The following MYO5B variants were observed in gnomAD, a reference collection of about 807,000 sequenced individuals.
MYO5B encodes the protein myosin VB, also known as unconventional myosin-Vb.
In MYO5B, 143 loss-of-function variants were observed where a neutral mutation model predicts 229.3. The observed-to-expected ratio is 0.62, with a 90% CI of 0.54 to 0.72. The LOEUF (loss-of-function observed/expected upper bound fraction) is 0.72, where lower values mean the gene tolerates loss of function less well. MYO5B is among the 30% of genes least tolerant of loss of function. The probability of loss-of-function intolerance (pLI) is 0.00; values close to 1 mark genes in which losing one functional copy is unlikely to be tolerated. For missense variants in MYO5B, 2,321 were observed against 2,331.0 expected (o/e 1.00, Z 0.09); for synonymous variants, 918 against 885.2 (o/e 1.04, Z -0.66).
chr18:49,983,183 A>G (rs1598930840), intron 8 of MYO5B, among the ~76,000 whole-genome samples: 3 of 152,292 alleles, frequency 2.0e-5, no homozygotes. Flanking sequence ...TGGGCCCTGT[A>G]AACATTTCTC....
intron 1 of MYO5B, among the ~76,000 whole-genome samples, chr18:50,185,592 C>T (rs1229960221): frequency 1.3e-5 from 2 of 152,024 alleles, no homozygotes; most frequent in African/African-American, 4.8e-5. Flanking sequence ...ACCTAATTGC[C>T]CGATTTAATC....
intron 7 of MYO5B, among the ~76,000 whole-genome samples, chr18:49,985,974 C>A (rs1000687962): frequency 6.6e-6 from 1 of 152,196 alleles, no homozygotes; most frequent in Admixed American, 6.5e-5. Context: ...TCCAATCTCT[C>A]TGCTTCTGCA....
chr18:50,001,539 G>A (rs542467222), intron 4 of MYO5B, 128 bp from the exon 5 acceptor site: 2 of 1,170,700 alleles, frequency 1.7e-6, no homozygotes, highest in African/African-American at 1.5e-5. Context: ...TAAACGCAGA[G>A]GAACAGTGTA....
intron 1 of MYO5B, among the ~76,000 whole-genome samples, chr18:50,127,641 G>A (rs34934575): frequency 0.13 from 19,406 of 152,212 alleles, 1,412 homozygotes; most frequent in East Asian, 0.25. Flanking sequence ...AAAACCTCAC[G>A]GAAGAGGTGG....
chr18:50,092,818 T>A (rs541058189), intron 1 of MYO5B, among the ~76,000 whole-genome samples: 1 of 152,216 alleles, frequency 6.6e-6, no homozygotes, highest in Non-Finnish European at 1.5e-5. Context: ...TATTGAATCA[T>A]TGAATAAATG....
intron 16 of MYO5B, among the ~76,000 whole-genome samples, chr18:49,932,617 C>T (rs1383736625): frequency 6.6e-6 from 1 of 152,184 alleles, no homozygotes; most frequent in Non-Finnish European, 1.5e-5. Flanking sequence ...GAGAGCTCAA[C>T]ATATCTGCCC....
intron 4 of MYO5B, among the ~76,000 whole-genome samples, chr18:50,032,778 G>C (rs868568592): frequency 6.6e-6 from 1 of 152,160 alleles, no homozygotes; most frequent in Non-Finnish European, 1.5e-5. Context: ...CTGAGGTCAG[G>C]AGTTCGAGAC....
intron 13 of MYO5B, among the ~76,000 whole-genome samples, chr18:49,953,892 ATATGTGTG>A (rs1241680941): frequency 3.1e-4 from 40 of 127,654 alleles, no homozygotes; most frequent in South Asian, 1.0e-3. Context: ...ATATATACAT[ATATGTGTG>A]TGTGTGTGTG....
intron 1 of MYO5B, among the ~76,000 whole-genome samples, chr18:50,151,235 C>T (rs2032593456): frequency 6.6e-6 from 1 of 152,184 alleles, no homozygotes; most frequent in African/African-American, 2.4e-5. Flanking sequence ...CTTTGTAGTT[C>T]AGAGTTAGCA....
chr18:50,103,452 T>C (rs1470919964), intron 1 of MYO5B, among the ~76,000 whole-genome samples: 2 of 152,194 alleles, frequency 1.3e-5, no homozygotes, highest in African/African-American at 2.4e-5. Context: ...TTTTCCTTTA[T>C]AAAGATTCTG....
intron 33 of MYO5B, 62 bp downstream of exon 33, chr18:49,847,084 G>A (rs1598828674): frequency 2.5e-6 from 4 of 1,604,738 alleles, no homozygotes; most frequent in Non-Finnish European, 3.4e-6. Context: ...TGCTGGGGAT[G>A]GAGATGGGAG....
chr18:49,992,532 C>T (rs1441687355), intron 5 of MYO5B, 101 bp from the exon 6 acceptor site: 4 of 1,520,902 alleles, frequency 2.6e-6, no homozygotes, highest in Non-Finnish European at 3.6e-6. Flanking sequence ...CTCTTCCTTA[C>T]TTACAGAAAC....
At chr18:50,020,990 C>A (rs1414901464) in intron 4 of MYO5B, among the ~76,000 whole-genome samples, 4 of 152,178 alleles carry the variant, frequency 2.6e-5, no homozygotes, top group African/African-American at 9.7e-5. Context: ...GTATGTCTAC[C>A]CAGCAGCTGC....
chr18:49,841,969 C>G (rs900234933), intron 34 of MYO5B, among the ~76,000 whole-genome samples: 4 of 152,146 alleles, frequency 2.6e-5, no homozygotes, highest in Non-Finnish European at 5.9e-5. Flanking sequence ...GTGAAAAAGC[C>G]TGCTCAGCAA....
intron 1 of MYO5B, among the ~76,000 whole-genome samples, chr18:50,148,917 T>C (rs913739591): frequency 1.3e-5 from 2 of 152,192 alleles, no homozygotes; most frequent in East Asian, 1.9e-4. Flanking sequence ...GATGAAATGA[T>C]TGTATATCTA....
intron 7 of MYO5B, among the ~76,000 whole-genome samples, chr18:49,987,795 A>G (rs1366878380): frequency 6.6e-6 from 1 of 152,212 alleles, no homozygotes; most frequent in Admixed American, 6.5e-5. Flanking sequence ...AAATGGGCCC[A>G]TTACAACTGG....
chr18:49,837,676 T>A lies in MYO5B; in HGVS notation c.4979A>T (p.Gln1660Leu). Residue 1660 changes from glutamine (Q) to leucine (L), a missense_variant, in exon 37 of 40, where the codon CAG becomes CTG. Coordinates refer to ENST00000285039, the MANE Select transcript of MYO5B (RefSeq NM_001080467.3). ...NSYCLEAIIR[Q>L]MNAFHTVMCD... ...CATGACTGTATGAAAGGCATTCATC[T>A]GGCGGATGATAGCTTCCAGGCAGTA... 1 of 1,614,128 alleles carries A rather than the reference T, an allele frequency of 6.2e-7. No individual in the cohort carries two copies.
At chr18:50,115,891 T>A (rs2031953870) in intron 1 of MYO5B, among the ~76,000 whole-genome samples, 4 of 152,182 alleles carry the variant, frequency 2.6e-5, no homozygotes, top group African/African-American at 9.7e-5. Context: ...TGTTAATGGC[T>A]GCTTGCCTTC....
chr18:49,967,498 TC>T (rs1276364568), intron 10 of MYO5B, among the ~76,000 whole-genome samples: 1 of 152,220 alleles, frequency 6.6e-6, no homozygotes, highest in Non-Finnish European at 1.5e-5. Context: ...AAGCTCACTC[TC>T]CAGCATTCTG....
Sources: allele counts gnomAD v4.1 joint callset (sites outside exome capture counted in the v4.1 genomes callset), GRCh38; gene constraint gnomAD v4.1.1; transcripts MANE v1.5; gene names NCBI Gene and HGNC (gene_info 2026-07-23, HGNC 2026-07-21).